Variants in DOCK3 observed in about 807,000 individuals in gnomAD.
DOCK3 encodes the protein dedicator of cytokinesis protein 3.
Under a neutral mutation model 265.6 loss-of-function variants are expected in DOCK3, and 60 were observed. The ratio of observed to expected loss-of-function variants is 0.23; its 90% confidence interval spans 0.18 to 0.28. The LOEUF (loss-of-function observed/expected upper bound fraction) is 0.28. Among genes scored for constraint, DOCK3 ranks in the 10% least tolerant of loss-of-function variants. The pLI is 1.00. For missense variants in DOCK3, 1,981 were observed against 2,594.3 expected, an observed-to-expected ratio of 0.76 and a Z score of 5.14; for synonymous variants, 881 against 938.0, an observed-to-expected ratio of 0.94 and a Z score of 1.11.
Position 50,947,912 on chromosome 3 carries a change from G to A in DOCK3, c.315+13835G>A, listed in dbSNP as rs547607446. ...GCTCTGTTGCCCAGGCTGGAGTGCT[G>A]TGGCGCTATCTAGGCTCACTGCAAG... On this transcript the variant is annotated intron_variant, in intron 5 of 52. Transcript: ENST00000266037. Among the ~76,000 whole-genome samples, 209 of 145,736 alleles carry A rather than the reference G, an allele frequency of 1.4e-3. 1 individual carries two copies. The highest frequency in any genetic ancestry group is 4.9e-3 in the African/African-American group (195 of 39,530).
intron 9 of DOCK3, among the ~76,000 whole-genome samples, chr3:51,109,095 A>G (rs556072781): frequency 1.3e-5 from 2 of 151,482 alleles, no homozygotes; most frequent in East Asian, 3.9e-4. Context: ...TGCACATGGC[A>G]CATACCCTAA....
chr3:50,683,833 T>TC (rs1414806327), intron 1 of DOCK3, among the ~76,000 whole-genome samples: 10 of 9,616 alleles, frequency 1.0e-3, no homozygotes, highest in East Asian at 2.4e-3. Flanking sequence ...CTCCCCGCTC[T>TC]CCTCCCCCCC....
intron 9 of DOCK3, among the ~76,000 whole-genome samples, chr3:51,125,812 G>T (rs933231790): frequency 6.6e-6 from 1 of 152,118 alleles, no homozygotes; most frequent in Non-Finnish European, 1.5e-5. Context: ...AAATGTTCAC[G>T]TTGTGGCAAG....
intron 9 of DOCK3, among the ~76,000 whole-genome samples, chr3:51,119,762 A>G (rs985401477): frequency 2.0e-5 from 3 of 151,718 alleles, no homozygotes; most frequent in African/African-American, 4.8e-5. Flanking sequence ...TCAGCTATTG[A>G]TACTTGTGTA....
chr3:50,758,071 G>A (rs1320545989), intron 1 of DOCK3, among the ~76,000 whole-genome samples: 1 of 149,614 alleles, frequency 6.7e-6, no homozygotes, highest in Non-Finnish European at 1.5e-5. Flanking sequence ...CCAGCTACTC[G>A]GGAGGCTGAG....
chr3:50,954,236 A>C (rs2076671262), intron 5 of DOCK3, among the ~76,000 whole-genome samples: 1 of 152,308 alleles, frequency 6.6e-6, no homozygotes, highest in African/African-American at 2.4e-5. Flanking sequence ...TTCACTTAGC[A>C]TAATGTCTTC....
intron 22 of DOCK3, among the ~76,000 whole-genome samples, chr3:51,252,927 C>T (rs554882422): frequency 6.6e-6 from 1 of 152,324 alleles, no homozygotes; most frequent in African/African-American, 2.4e-5. Flanking sequence ...GAGAGGGCAT[C>T]CCTGTCTTGT....
chr3:50,975,503 G>T (rs926820279), intron 5 of DOCK3, among the ~76,000 whole-genome samples: 1 of 151,126 alleles, frequency 6.6e-6, no homozygotes, highest in African/African-American at 2.4e-5. Context: ...ACTTGATCAT[G>T]GTGGATAAGC....
intron 9 of DOCK3, among the ~76,000 whole-genome samples, chr3:51,132,503 A>C (rs2084603344): frequency 6.6e-6 from 1 of 152,064 alleles, no homozygotes; most frequent in Non-Finnish European, 1.5e-5. Flanking sequence ...TAAGACTGTC[A>C]CTCAGGGCAG....
chr3:51,322,112 C>G (rs1321468767), intron 32 of DOCK3, among the ~76,000 whole-genome samples: 1 of 152,222 alleles, frequency 6.6e-6, no homozygotes, highest in African/African-American at 2.4e-5. Context: ...GGAAGCCCAT[C>G]AGACTAACAG....
intron 7 of DOCK3, among the ~76,000 whole-genome samples, chr3:51,077,201 A>G (rs894578806): frequency 1.3e-5 from 2 of 152,208 alleles, no homozygotes; most frequent in Admixed American, 1.3e-4. Flanking sequence ...ATGATCAATT[A>G]GATATGGAAA....
intron 5 of DOCK3, among the ~76,000 whole-genome samples, chr3:51,016,557 C>CTATATAATATATGATATATATATTTAT (rs2079263872): frequency 1.5e-4 from 1 of 6,620 alleles, no homozygotes; most frequent in Non-Finnish European, 1.9e-4. Context: ...TTATATATAT[C>CTATATAATATATGATATATATATTTAT]ATATATTATA....
At chr3:51,088,828 G>C (rs1189450555) in intron 7 of DOCK3, among the ~76,000 whole-genome samples, 1 of 152,172 alleles carries the variant, frequency 6.6e-6, no homozygotes, top group Non-Finnish European at 1.5e-5. Flanking sequence ...GGAACAGCAT[G>C]GGGAAGTGTT....
chr3:51,298,904 G>A (rs2082240137), intron 27 of DOCK3, among the ~76,000 whole-genome samples: 1 of 152,172 alleles, frequency 6.6e-6, no homozygotes, highest in Admixed American at 6.5e-5. Context: ...ATATGTAATA[G>A]AATGATTTAT....
intron 5 of DOCK3, among the ~76,000 whole-genome samples, chr3:50,942,112 G>T (rs1258379431): frequency 6.6e-6 from 1 of 151,968 alleles, no homozygotes; most frequent in Non-Finnish European, 1.5e-5. Flanking sequence ...CTGGGTAAAT[G>T]GTATATGGAA....
chr3:51,146,730 C>T, intron 10 of DOCK3, 100 bp downstream of exon 10: 1 of 1,045,304 alleles, frequency 9.6e-7, no homozygotes, highest in Admixed American at 2.2e-5. Context: ...GTCTTATTTC[C>T]ATATACACTG....
chr3:50,918,449 A>G (rs1016720330), intron 4 of DOCK3, among the ~76,000 whole-genome samples: 2 of 152,104 alleles, frequency 1.3e-5, no homozygotes, highest in African/African-American at 4.8e-5. Flanking sequence ...AATGATCGCC[A>G]TTTTAACTGG....
intron 5 of DOCK3, among the ~76,000 whole-genome samples, chr3:51,054,014 T>C (rs1040200323): frequency 2.6e-5 from 4 of 151,592 alleles, no homozygotes; most frequent in Non-Finnish European, 5.9e-5. Context: ...AACCTGAGAA[T>C]TTTCTTTGCT....
chr3:51,047,496 AAAAT>A (rs768550156), intron 5 of DOCK3, among the ~76,000 whole-genome samples: 7 of 152,070 alleles, frequency 4.6e-5, no homozygotes, highest in South Asian at 2.1e-4. Context: ...TTTGAAAAGA[AAAAT>A]AAAATCAACA....
Sources: gnomAD v4.1 joint callset for allele counts (sites outside exome capture counted in the v4.1 genomes callset) on GRCh38, gnomAD v4.1.1 for gene constraint, MANE v1.5 for transcripts, NCBI Gene and HGNC (gene_info 2026-07-23, HGNC 2026-07-21) for gene names.